TAOK3: variants seen among roughly 807,000 people sequenced by gnomAD.
The protein encoded by TAOK3 is serine/threonine-protein kinase TAO3.
In TAOK3, 40 loss-of-function variants were observed where a neutral mutation model predicts 120.4. The observed-to-expected ratio is 0.33, with a 90% CI of 0.26 to 0.43. The LOEUF (loss-of-function observed/expected upper bound fraction) is 0.43. Ranked by LOEUF, TAOK3 falls within the 20% of genes least tolerant of loss-of-function variation. The pLI, the probability that TAOK3 is intolerant of heterozygous loss-of-function variation, is 1.00. For synonymous variants in TAOK3, 355 were observed against 387.5 expected, an observed-to-expected ratio of 0.92 and a Z score of 0.99; for missense variants, 821 against 1,112.1, an observed-to-expected ratio of 0.74 and a Z score of 3.72.
Position 118,151,289 on chromosome 12 carries a change from G to GCACACACACA in TAOK3, c.2536-141_2536-132dup, listed in dbSNP as rs773751889. On this transcript the variant is annotated intron_variant, in intron 20 of 20. Transcript: ENST00000392533. The stretch of plus-strand genomic sequence containing the variant: ...GCACACACATGAAGTGCGCGCGCGC[G>GCACACACACA]CACACACACACACACACACACACAC... 4.2e-3 allele frequency: 1,072 copies of GCACACACACA among 252,776 alleles called. 6 individuals are homozygous for GCACACACACA. The highest frequency in any genetic ancestry group is 0.026 in the East Asian group (640 of 24,176). 15.7% of individuals were successfully genotyped at this position (252,776 alleles called of 1,614,324 possible).
chr12:118,281,472 C>A (rs1445933540), intron 1 of TAOK3, among the ~76,000 whole-genome samples: 1 of 152,148 alleles, frequency 6.6e-6, no homozygotes, highest in African/African-American at 2.4e-5. Flanking sequence ...ACTAGTTATA[C>A]TGAAATGAAT....
chr12:118,323,395 C>T (rs372478163), intron 1 of TAOK3, among the ~76,000 whole-genome samples: 19 of 152,142 alleles, frequency 1.2e-4, no homozygotes, highest in East Asian at 7.7e-4. Flanking sequence ...AAAAAATGTA[C>T]ACTCATTCTC....
intron 9 of TAOK3, among the ~76,000 whole-genome samples, chr12:118,232,248 G>A (rs1285802208): frequency 2.6e-5 from 4 of 152,200 alleles, no homozygotes; most frequent in East Asian, 3.9e-4. Flanking sequence ...ATATATTAAA[G>A]TTCAAAATAT....
chr12:118,322,304 G>A (rs2043741021), intron 1 of TAOK3, among the ~76,000 whole-genome samples: 1 of 118,996 alleles, frequency 8.4e-6, no homozygotes, highest in African/African-American at 3.3e-5. Context: ...AGCAGAGTGA[G>A]ACTGTCTCAA....
intron 14 of TAOK3, among the ~76,000 whole-genome samples, chr12:118,189,582 G>GT (rs57146377): frequency 0.89 from 124,598 of 140,590 alleles, 55,439 homozygotes; most frequent in East Asian, 0.99. Flanking sequence ...ACACACAAAG[G>GT]TTTTTTTTTT....
chr12:118,276,430 G>A (rs79232692), intron 1 of TAOK3, among the ~76,000 whole-genome samples: 407 of 152,326 alleles, frequency 2.7e-3, no homozygotes, highest in African/African-American at 9.3e-3. Flanking sequence ...GGCCGGGCGC[G>A]GTGGCTCACG....
chr12:118,342,372 A>G (rs1365527504), intron 1 of TAOK3, among the ~76,000 whole-genome samples: 1 of 152,216 alleles, frequency 6.6e-6, no homozygotes, highest in Non-Finnish European at 1.5e-5. Flanking sequence ...TCCTTTCATA[A>G]AGGTTGGTAA....
intron 19 of TAOK3, among the ~76,000 whole-genome samples, chr12:118,156,743 GT>G (rs796941841): frequency 8.2e-5 from 12 of 145,964 alleles, no homozygotes; most frequent in Admixed American, 2.1e-4. Flanking sequence ...CTTTATTTTT[GT>G]TTTTTTTTTA....
intron 8 of TAOK3, among the ~76,000 whole-genome samples, chr12:118,235,286 C>T (rs79354945): frequency 5.3e-4 from 80 of 152,240 alleles, no homozygotes; most frequent in Middle Eastern, 6.8e-3. Flanking sequence ...CAAATGAAAT[C>T]GAAAACCTGA....
At chr12:118,159,957 T>G (rs781164945) in intron 19 of TAOK3, 189 bp downstream of exon 19, 25 of 611,308 alleles carry the variant, frequency 4.1e-5, no homozygotes, top group Non-Finnish European at 7.2e-5. Context: ...TTCCATCTTA[T>G]AAGACACTCC....
At chr12:118,271,865 A>T (rs570713150) in intron 1 of TAOK3, among the ~76,000 whole-genome samples, 5 of 152,234 alleles carry the variant, frequency 3.3e-5, no homozygotes, top group Non-Finnish European at 5.9e-5. Context: ...AGATGAAATA[A>T]CAGGCATAAA....
At chr12:118,195,803 C>A (rs1366831210) in intron 13 of TAOK3, among the ~76,000 whole-genome samples, 2 of 152,186 alleles carry the variant, frequency 1.3e-5, no homozygotes, top group Non-Finnish European at 2.9e-5. Context: ...GTAATCCCAG[C>A]ACTTTGGGAG....
chr12:118,174,604 G>T (rs150052645), intron 16 of TAOK3, among the ~76,000 whole-genome samples: 257 of 152,208 alleles, frequency 1.7e-3, no homozygotes, highest in African/African-American at 6.1e-3. Context: ...ATAAAGTATG[G>T]CCTCCAGTGG....
intron 1 of TAOK3, among the ~76,000 whole-genome samples, chr12:118,348,370 A>G (rs2044969288): frequency 6.6e-6 from 1 of 152,140 alleles, no homozygotes; most frequent in Non-Finnish European, 1.5e-5. Context: ...TTAAACACAG[A>G]CTATTCATCT....
chr12:118,270,024 T>C (rs375492218), intron 1 of TAOK3, among the ~76,000 whole-genome samples: 1 of 152,354 alleles, frequency 6.6e-6, no homozygotes, highest in East Asian at 1.9e-4. Context: ...TGTGTTCCTC[T>C]AAGGATTTCC....
In TAOK3 at chr12:118,162,038, G is replaced by A. The variant is rs762699558; in HGVS notation, c.1900-11C>T. On this transcript the variant is annotated splice_polypyrimidine_tract_variant and intron_variant, in intron 17 of 20. Coordinates refer to ENST00000392533, the MANE Select transcript of TAOK3 (RefSeq NM_016281.4). ...CTTTTTATTTAGTTCCTGCGTCCAG[G>A]AACAAAAGATAAACGGAGAGAGGTG... 35 of 1,610,006 alleles carry A rather than the reference G, an allele frequency of 2.2e-5. No individual in the cohort carries two copies. The highest frequency in any genetic ancestry group is 2.7e-5 in the Non-Finnish European group (32 of 1,176,904).
chr12:118,229,276 T>C (rs889415306), intron 9 of TAOK3, among the ~76,000 whole-genome samples: 5 of 152,042 alleles, frequency 3.3e-5, no homozygotes, highest in African/African-American at 1.2e-4. Flanking sequence ...AATTTTGTAA[T>C]TTTAGTAGAG....
intron 17 of TAOK3, among the ~76,000 whole-genome samples, chr12:118,162,402 C>T (rs1408964491): frequency 6.6e-6 from 1 of 151,956 alleles, no homozygotes; most frequent in African/African-American, 2.4e-5. Context: ...CCCTGACGGC[C>T]CATAAAAATC....
At chr12:118,316,105 C>T (rs577530290) in intron 1 of TAOK3, among the ~76,000 whole-genome samples, 1 of 152,202 alleles carries the variant, frequency 6.6e-6, no homozygotes, top group Non-Finnish European at 1.5e-5. Flanking sequence ...TGATTTCTTA[C>T]ATCTCCCTTC....
Sources: gnomAD v4.1 joint callset for allele counts (sites outside exome capture counted in the v4.1 genomes callset) on GRCh38, gnomAD v4.1.1 for gene constraint, MANE v1.5 for transcripts, NCBI Gene and HGNC (gene_info 2026-07-23, HGNC 2026-07-21) for gene names.